RGS6: variants seen among roughly 807,000 people sequenced by gnomAD.
RGS6 encodes regulator of G-protein signaling 6.
A neutral mutation model predicts 78.5 loss-of-function variants in RGS6; 30 were observed. The ratio of observed to expected loss-of-function variants is 0.38; its 90% CI spans 0.29 to 0.52. The LOEUF is 0.52. Among genes scored for constraint, RGS6 ranks in the 20% least tolerant of loss-of-function variants. The probability of loss-of-function intolerance (pLI) is 0.85; values close to 1 mark genes in which losing one functional copy is unlikely to be tolerated. For synonymous variants in RGS6, 206 were observed against 206.0 expected (o/e 1.00, Z 0.00); for missense variants, 495 against 609.7 (o/e 0.81, Z 1.98).
At chr14:72,559,431 T>C (rs867896407) in intron 17 of RGS6, among the ~76,000 whole-genome samples, 1 of 152,192 alleles carries the variant, frequency 6.6e-6, no homozygotes, top group Non-Finnish European at 1.5e-5. Context: ...TCCTGCATGA[T>C]TAACCGCCTT....
intron 2 of RGS6, among the ~76,000 whole-genome samples, chr14:72,341,556 G>A (rs559161114): frequency 3.2e-4 from 48 of 152,304 alleles, no homozygotes; most frequent in African/African-American, 1.1e-3. Flanking sequence ...TGTTGTGGGT[G>A]GATGAAGTCC....
the RGS6 span, among the ~76,000 whole-genome samples, chr14:71,909,125 T>G: frequency 3.1e-4 from 47 of 152,320 alleles, no homozygotes; most frequent in Admixed American, 4.6e-4. Flanking sequence ...AGAGCACATC[T>G]GCATGTTCCA....
downstream of RGS6, among the ~76,000 whole-genome samples, chr14:72,570,207 T>C (rs2097718704): frequency 1.3e-5 from 2 of 152,218 alleles, no homozygotes; most frequent in South Asian, 4.1e-4. Context: ...TTACATTGTA[T>C]TAAGTATTAT....
chr14:72,058,092 CT>C, intron 2 of RGS6, among the ~76,000 whole-genome samples: 1 of 131,272 alleles, frequency 7.6e-6, no homozygotes, highest in African/African-American at 3.0e-5. Flanking sequence ...TTTTTTTTTG[CT>C]TGTCTTCTTC....
chr14:72,149,696 G>T (rs1212825238), intron 2 of RGS6, among the ~76,000 whole-genome samples: 1 of 152,162 alleles, frequency 6.6e-6, no homozygotes, highest in Non-Finnish European at 1.5e-5. Context: ...ACAGTGACTG[G>T]CATGGGATAG....
intron 2 of RGS6, among the ~76,000 whole-genome samples, chr14:72,000,833 T>C (rs1265388901): frequency 6.6e-6 from 1 of 152,162 alleles, no homozygotes; most frequent in Admixed American, 6.5e-5. Context: ...GTTTAGTGTG[T>C]GTTCTTCTCT....
intron 2 of RGS6, among the ~76,000 whole-genome samples, chr14:72,227,065 C>T (rs1037308799): frequency 2.0e-5 from 3 of 152,118 alleles, no homozygotes; most frequent in South Asian, 2.1e-4. Flanking sequence ...ACTAGATATA[C>T]GACATTTCTT....
chr14:72,113,077 C>T (rs748684840), intron 2 of RGS6, among the ~76,000 whole-genome samples: 1 of 142,174 alleles, frequency 7.0e-6, no homozygotes. Flanking sequence ...CACACACACA[C>T]GCATGCACGC....
intron 2 of RGS6, among the ~76,000 whole-genome samples, chr14:72,045,418 A>G (rs2092754020): frequency 6.6e-6 from 1 of 152,076 alleles, no homozygotes; most frequent in Non-Finnish European, 1.5e-5. Context: ...TGTGTTTAGT[A>G]TTTGCTGTAG....
Position 72,111,302 on chromosome 14 carries a change from C to T in RGS6, c.84+146427C>T, listed in dbSNP as rs77430016. The stretch of plus-strand genomic sequence containing the variant: ...ACTAAAGTGCTGACAGATACCATCT[C>T]AGGAATGGATGGATATTCTTGCTGT... On this transcript the variant is annotated intron_variant, in intron 2 of 17. Coordinates refer to ENST00000553525, the MANE Select transcript of RGS6 (RefSeq NM_001204424.2). Among the ~76,000 whole-genome samples the T allele has an allele frequency of 1.9e-3, 282 of 152,276 alleles. 9 individuals are homozygous for T. In the East Asian group the frequency reaches 0.047, roughly 25 times the overall value.
chr14:72,461,215 G>A (rs1341833707), intron 6 of RGS6, among the ~76,000 whole-genome samples: 2 of 152,190 alleles, frequency 1.3e-5, no homozygotes, highest in African/African-American at 2.4e-5. Context: ...ATGCAGCAAC[G>A]TGTGCCCTTG....
intron 2 of RGS6, among the ~76,000 whole-genome samples, chr14:72,041,472 C>T (rs547730223): frequency 1.4e-4 from 22 of 152,270 alleles, no homozygotes; most frequent in African/African-American, 5.3e-4. Context: ...CCAAAGTATA[C>T]CAGTTTCCCG....
intron 2 of RGS6, among the ~76,000 whole-genome samples, chr14:72,161,226 G>C (rs2096848335): frequency 6.6e-6 from 1 of 152,038 alleles, no homozygotes; most frequent in Non-Finnish European, 1.5e-5. Context: ...CACATACCAG[G>C]GCCTGTTGGG....
At position 72,293,027 on chromosome 14, in the gene RGS6, T is replaced by C. The variant is rs138782822; in HGVS notation, c.85-59068T>C. On this transcript the variant is annotated intron_variant, in intron 2 of 17. Transcript: ENST00000553525. ...ATTTGTATTGTGATTATTCTGCATA[T>C]CTAAGAATTTCATCCCTTTCTAACC... Among the ~76,000 whole-genome samples the C allele has an allele frequency of 2.6e-3, 392 of 152,328 alleles. 4 individuals carry two copies. The highest frequency in any genetic ancestry group is 1.2e-3 in the Admixed American group (19 of 15,308).
intron 2 of RGS6, among the ~76,000 whole-genome samples, chr14:72,064,791 CAAAG>C (rs1294263081): frequency 1.3e-5 from 2 of 152,118 alleles, no homozygotes; most frequent in Admixed American, 6.6e-5. Context: ...TAATAACACA[CAAAG>C]AAATCTCTCT....
intron 2 of RGS6, among the ~76,000 whole-genome samples, chr14:71,970,943 G>A (rs1371567636): frequency 1.3e-5 from 2 of 152,150 alleles, no homozygotes; most frequent in Admixed American, 1.3e-4. Context: ...TAACCAGATG[G>A]AGGAGGAGAG....
At chr14:72,020,995 G>A (rs2088315834) in intron 2 of RGS6, among the ~76,000 whole-genome samples, 3 of 152,310 alleles carry the variant, frequency 2.0e-5, no homozygotes, top group Admixed American at 2.0e-4. Flanking sequence ...AAGTGGAGGA[G>A]CAAGCCCAGT....
chr14:72,230,120 AAG>A (rs1413420522), intron 2 of RGS6, among the ~76,000 whole-genome samples: 1 of 152,194 alleles, frequency 6.6e-6, no homozygotes, highest in Non-Finnish European at 1.5e-5. Context: ...AAAGGGAAGA[AAG>A]AGTTTTTCAA....
At chr14:72,495,313 A>G (rs748327508) in intron 13 of RGS6, 51 bp downstream of exon 13, 1 of 1,054,870 alleles carries the variant, frequency 9.5e-7, no homozygotes, top group East Asian at 2.4e-5. Context: ...ACAAAAATCC[A>G]TGAGATCATG....
Sources: allele counts gnomAD v4.1 joint callset (sites outside exome capture counted in the v4.1 genomes callset), GRCh38; gene constraint gnomAD v4.1.1; transcripts MANE v1.5; gene names NCBI Gene and HGNC (gene_info 2026-07-23, HGNC 2026-07-21).